The following ANAPC1 variants were observed in gnomAD, a reference collection of about 807,000 sequenced individuals.
ANAPC1 encodes anaphase promoting complex subunit 1.
A neutral mutation model predicts 208.0 loss-of-function variants in ANAPC1; 36 were observed. The ratio of observed to expected loss-of-function variants is 0.17; its 90% CI spans 0.13 to 0.23. ANAPC1 has a LOEUF of 0.23. ANAPC1 is among the 10% of genes least tolerant of loss of function. The pLI, the probability that ANAPC1 is intolerant of heterozygous loss-of-function variation, is 1.00. For missense variants in ANAPC1, 942 were observed against 2,011.6 expected (o/e 0.47, Z 10.17); for synonymous variants, 378 against 695.2 (o/e 0.54, Z 7.18).
rs1045079489 is a variant in ANAPC1, at chr2:111,843,546, G to T, written c.1906C>A (p.Gln636Lys). The change falls in exon 17 of 48, where the codon CAG becomes AAG. Residue 636 changes from glutamine to lysine, a missense_variant. Gln to Lys is a moderately conservative substitution (Grantham distance 53). Coordinates refer to ENST00000341068, the MANE Select transcript of ANAPC1 (RefSeq NM_022662.4). ...KFILPKEIAV[Q>K]MLVKWYNVHS... ...ACATTGTACCACTTGACAAGCATCT[G>T]AACTGCTATTTCTTTTGGCAGGATA... The T allele has an allele frequency of 1.1e-5, 18 of 1,611,794 alleles. No homozygotes were observed. The highest frequency in any genetic ancestry group is 1.7e-5 in the Admixed American group (1 of 59,990).
At chr2:111,811,114 C>T (rs1263575179) in intron 28 of ANAPC1, among the ~76,000 whole-genome samples, 3 of 152,110 alleles carry the variant, frequency 2.0e-5, no homozygotes, top group East Asian at 3.9e-4. Flanking sequence ...GCCAAGGGTA[C>T]ATCCGAAGGA....
intron 11 of ANAPC1, chr2:111,857,123 T>C (rs1681773573): frequency 1.1e-5 from 5 of 455,008 alleles, no homozygotes. Flanking sequence ...ATGTTTTGTA[T>C]CTTGATTGTG....
chr2:111,836,820 T>C (rs1300301431), intron 18 of ANAPC1, among the ~76,000 whole-genome samples: 1 of 151,210 alleles, frequency 6.6e-6, no homozygotes, highest in Non-Finnish European at 1.5e-5. Context: ...ATACAAAAAT[T>C]AGCCAGGCAT....
At chr2:111,788,970 C>G (rs1462109918) in intron 38 of ANAPC1, among the ~76,000 whole-genome samples, 1 of 152,244 alleles carries the variant, frequency 6.6e-6, no homozygotes, top group Non-Finnish European at 1.5e-5. Context: ...AACCCCATCT[C>G]TACTAAAAAT....
chr2:111,873,086 C>T (rs1366035494), intron 5 of ANAPC1: 2 of 518,948 alleles, frequency 3.9e-6, no homozygotes, highest in Non-Finnish European at 6.7e-6. Flanking sequence ...CCAACAAACA[C>T]ATACCACAGA....
chr2:111,852,345 C>G (rs961180876), intron 13 of ANAPC1, among the ~76,000 whole-genome samples: 2 of 151,376 alleles, frequency 1.3e-5, no homozygotes, highest in Admixed American at 1.3e-4. Context: ...GCCTATAACA[C>G]AGACATGCCA....
rs543440833 is a variant in ANAPC1, at chr2:111,792,681, T to A, written c.4519-126A>T. ...TTAAAAAAAAATCTGGGCTGGGCAC[T>A]GTGGCTCACGCCTGTAATCCCAGCA... is the stretch of plus-strand genomic sequence containing the variant. On this transcript the variant is annotated intron_variant, in intron 37 of 47. Coordinates refer to ENST00000341068, the MANE Select transcript of ANAPC1 (RefSeq NM_022662.4). 1.5e-4 allele frequency: 102 copies of A among 666,042 alleles called. 1 individual carries two copies. Among genetic ancestry groups the A allele is most frequent in the African/African-American group, 1.4e-3 (76 of 54,634 alleles). The allele number at this position is 666,042 out of a possible 1,614,324, so 41.3% of individuals were successfully genotyped here. A position where few individuals can be genotyped will look rare whatever the true frequency, so the allele number is the denominator to read the frequency against.
intron 21 of ANAPC1, among the ~76,000 whole-genome samples, chr2:111,829,158 G>A (rs1394559719): frequency 1.3e-5 from 2 of 152,174 alleles, no homozygotes; most frequent in Non-Finnish European, 2.9e-5. Flanking sequence ...AGGTTGCAGT[G>A]AGCCGAGATT....
At chr2:111,858,223 C>T (rs1028337160) in intron 11 of ANAPC1, 83 bp downstream of exon 11, 9 of 1,035,750 alleles carry the variant, frequency 8.7e-6, no homozygotes, top group African/African-American at 1.7e-5. Flanking sequence ...ACTACTTAAG[C>T]CAAAAAAAAA....
At chr2:111,812,845 T>C (rs1484728103) in intron 28 of ANAPC1, among the ~76,000 whole-genome samples, 38 of 91,152 alleles carry the variant, frequency 4.2e-4, no homozygotes, top group African/African-American at 1.6e-3. Context: ...CATACAGGCA[T>C]ATAAACCTCT....
At chr2:111,882,558 T>C (rs1376545210) in intron 1 of ANAPC1, among the ~76,000 whole-genome samples, 4 of 150,764 alleles carry the variant, frequency 2.7e-5, no homozygotes, top group African/African-American at 9.8e-5. Context: ...GGTCAAACCC[T>C]GTCTCTACTA....
chr2:111,859,589 T>C (rs1226617160), intron 10 of ANAPC1, among the ~76,000 whole-genome samples: 3 of 152,248 alleles, frequency 2.0e-5, no homozygotes, highest in Admixed American at 6.5e-5. Flanking sequence ...TGATTTATAA[T>C]TGTAGGATAC....
At chr2:111,878,273 AAGT>A (rs2104608631) in intron 3 of ANAPC1, among the ~76,000 whole-genome samples, 1 of 152,340 alleles carries the variant, frequency 6.6e-6, no homozygotes, top group Non-Finnish European at 1.5e-5. Flanking sequence ...ATTCTTCTCT[AAGT>A]ACAAGTTTTC....
chr2:111,879,271 T>C (rs552668175), intron 2 of ANAPC1, among the ~76,000 whole-genome samples: 16 of 152,244 alleles, frequency 1.1e-4, no homozygotes, highest in Admixed American at 9.2e-4. Flanking sequence ...AATCACATGC[T>C]TGGGAGACTA....
intron 18 of ANAPC1, among the ~76,000 whole-genome samples, chr2:111,837,244 C>A (rs57443685): frequency 0.021 from 3,243 of 152,238 alleles, 80 homozygotes; most frequent in African/African-American, 0.073. Flanking sequence ...TTATTTACAT[C>A]AAGTTCTAGA....
chr2:111,854,993 C>G (rs1681621501), intron 13 of ANAPC1, among the ~76,000 whole-genome samples: 1 of 152,214 alleles, frequency 6.6e-6, no homozygotes, highest in Non-Finnish European at 1.5e-5. Flanking sequence ...TTTCAACACG[C>G]CTTCCTCACT....
At chr2:111,872,922 T>C (rs1313440033) in intron 5 of ANAPC1, 1 of 553,118 alleles carries the variant, frequency 1.8e-6, no homozygotes, top group Non-Finnish European at 3.2e-6. Context: ...AGTTGTTCAA[T>C]GTGAAATTCC....
At chr2:111,872,053 C>A (rs1197677374) in intron 6 of ANAPC1, among the ~76,000 whole-genome samples, 1 of 152,178 alleles carries the variant, frequency 6.6e-6, no homozygotes, top group Non-Finnish European at 1.5e-5. Context: ...TGAAAGTAGG[C>A]ATCTTAGTCT....
intron 19 of ANAPC1, 29 bp downstream of exon 19, chr2:111,834,575 G>A: frequency 6.8e-7 from 1 of 1,467,838 alleles, no homozygotes; most frequent in African/African-American, 1.4e-5. Context: ...AGGACTTCCT[G>A]GCAGTTTCTA....
Sources: allele counts gnomAD v4.1 joint callset (sites outside exome capture counted in the v4.1 genomes callset), GRCh38; gene constraint gnomAD v4.1.1; transcripts MANE v1.5; gene names NCBI Gene and HGNC (gene_info 2026-07-23, HGNC 2026-07-21).